Variants in ZNF280C observed in about 807,000 individuals in gnomAD.
ZNF280C encodes zinc finger protein 280C.
In ZNF280C, 14 loss-of-function variants were observed where a neutral mutation model predicts 53.6. That is an observed-to-expected ratio of 0.26 (90% CI 0.17 to 0.41). ZNF280C has a LOEUF of 0.41. Among genes scored for constraint, ZNF280C ranks in the 10% least tolerant of loss-of-function variants. The probability of loss-of-function intolerance (pLI) is 1.00; values close to 1 mark genes in which losing one functional copy is unlikely to be tolerated. For synonymous variants in ZNF280C, 203 were observed against 181.1 expected, an observed-to-expected ratio of 1.12 and a Z score of -0.97; for missense variants, 416 against 547.1, an observed-to-expected ratio of 0.76 and a Z score of 2.39.
Position 130,204,086 on chromosome X carries a change from C to A in ZNF280C, c.*891G>T, listed in dbSNP as rs759926941. 1.9e-4 allele frequency: 21 copies of A among 110,166 alleles called. No individual in the cohort carries two copies. Among genetic ancestry groups the A allele is most frequent in the African/African-American group, 6.9e-4 (21 of 30,286 alleles). 9.1% of individuals were successfully genotyped at this position (110,166 alleles called of 1,213,427 possible). On this transcript the variant is annotated 3_prime_UTR_variant, in exon 19 of 19. Coordinates refer to ENST00000370978, the MANE Select transcript of ZNF280C (RefSeq NM_017666.5). Reference sequence around the variant, plus strand: ...TGGGAACTGTAATTGTAGAAATTTTCTTTATCCAAGAACAAGAAAGTAACC... The same window carrying A: ...TGGGAACTGTAATTGTAGAAATTTTATTTATCCAAGAACAAGAAAGTAACC...
chrX:130,213,042 T>G (rs1400940202), intron 15 of ZNF280C, among the ~76,000 whole-genome samples: 1 of 111,809 alleles, frequency 8.9e-6, no homozygotes, highest in Non-Finnish European at 1.9e-5. Context: ...ATCTGACAGA[T>G]GTTGTAGATA....
chrX:130,250,897 C>G (rs1461890416), intron 2 of ZNF280C, among the ~76,000 whole-genome samples: 5 of 110,150 alleles, frequency 4.5e-5, no homozygotes, highest in African/African-American at 1.7e-4. Flanking sequence ...GAGTTCGAGA[C>G]CGGCCTGGAT....
At chrX:130,210,105 A>AC (rs1354044727) in intron 15 of ZNF280C, among the ~76,000 whole-genome samples, 1 of 111,814 alleles carries the variant, frequency 8.9e-6, no homozygotes, top group East Asian at 2.8e-4. Context: ...ATCTGCCGGC[A>AC]CCTTGATCGT....
chrX:130,217,135 T>C (rs138867019), intron 13 of ZNF280C, among the ~76,000 whole-genome samples: 1,633 of 112,132 alleles, frequency 0.015, 16 homozygotes, highest in Non-Finnish European at 0.02. Context: ...AAACATACGT[T>C]CACACAAAAA....
intron 1 of ZNF280C, among the ~76,000 whole-genome samples, chrX:130,267,154 T>C (rs1207072796): frequency 9.0e-6 from 1 of 111,084 alleles, no homozygotes; most frequent in African/African-American, 3.3e-5. Context: ...AATCACTACT[T>C]AAGACAAACT....
chrX:130,266,877 T>G (rs1311960600), intron 1 of ZNF280C, among the ~76,000 whole-genome samples: 1 of 111,080 alleles, frequency 9.0e-6, no homozygotes, highest in African/African-American at 3.3e-5. Context: ...CCGAGGTGGG[T>G]GGATCACGAG....
chrX:130,256,915 A>G (rs1472210605), intron 2 of ZNF280C, among the ~76,000 whole-genome samples: 1 of 107,391 alleles, frequency 9.3e-6, no homozygotes, highest in South Asian at 4.2e-4. Context: ...AATAAAAGAA[A>G]GAGGGCCAGG....
At chrX:130,263,199 TACACTC>T (rs2032649522) in intron 1 of ZNF280C, among the ~76,000 whole-genome samples, 2 of 112,298 alleles carry the variant, frequency 1.8e-5, no homozygotes, top group African/African-American at 6.5e-5. Flanking sequence ...ACCTAGCAAT[TACACTC>T]CTAGAGACAG....
At chrX:130,256,996 C>T (rs2032579976) in intron 2 of ZNF280C, among the ~76,000 whole-genome samples, 2 of 108,992 alleles carry the variant, frequency 1.8e-5, no homozygotes, top group Non-Finnish European at 1.9e-5. Flanking sequence ...GTCAGGAGAT[C>T]GAGACCATCC....
At chrX:130,239,410 C>CA (rs1569437063) in intron 6 of ZNF280C, among the ~76,000 whole-genome samples, 172 bp downstream of exon 6, 3 of 111,515 alleles carry the variant, frequency 2.7e-5, no homozygotes, top group African/African-American at 9.7e-5. Context: ...TCACTAAATA[C>CA]AATTTTCTAT....
chrX:130,236,216 T>G lies in ZNF280C; in HGVS notation c.769A>C (p.Lys257Gln), dbSNP rs1380509656. The change falls in exon 8 of 19, where the codon AAG (lysine) becomes CAG (glutamine). Residue 257 changes from lysine (K) to glutamine (Q), a missense_variant and splice_region_variant. By Grantham distance (53) the Lys-to-Gln change is moderately conservative (BLOSUM62 1). Around this residue, in one of 3 missense-constraint regions of ZNF280C, gnomAD observed 193 missense variants for 201.4 expected, o/e 0.96. Transcript: ENST00000370978. Reference sequence around the variant, plus strand: ...TTGAACTTTGAAAAAAGTTTTACCTTCATGTGGTATTTCAAAGGATCCAAA... The same window carrying G: ...TTGAACTTTGAAAAAAGTTTTACCTGCATGTGGTATTTCAAAGGATCCAAA... ...NLLDPLKYHM[K>Q]HCCPDMITKF... The G allele has an allele frequency of 9.3e-6, 11 of 1,182,053 alleles. No individual in the cohort carries two copies. The South Asian group carries it at 2.1e-4, about 23-fold the overall frequency.
intron 5 of ZNF280C, among the ~76,000 whole-genome samples, chrX:130,241,880 T>G (rs2032393967): frequency 9.0e-6 from 1 of 111,004 alleles, no homozygotes; most frequent in Non-Finnish European, 1.9e-5. Flanking sequence ...TGTGTGTCCT[T>G]GAGTGAATCA....
In ZNF280C at chrX:130,231,637, G is replaced by A. The variant is rs192512844; in HGVS notation, c.772-910C>T. 7.2e-5 allele frequency among the ~76,000 whole-genome samples: 8 copies of A among 110,688 alleles called. No homozygotes were observed. In the East Asian group the frequency reaches 2.3e-3, roughly 31 times the overall value. ...ATTGGGTACTATGTTCACTATTTGG[G>A]TGACAGGATCAGTAGAAGTCCAAAC... On this transcript the variant is annotated intron_variant, in intron 8 of 18. Transcript: ENST00000370978.
At chrX:130,242,890 C>G (rs2032408990) in intron 5 of ZNF280C, among the ~76,000 whole-genome samples, 3 of 111,190 alleles carry the variant, frequency 2.7e-5, no homozygotes, top group African/African-American at 3.3e-5. Flanking sequence ...GTTGCTCAGG[C>G]TGGTCTCGAA....
rs1216522497 is a variant in ZNF280C, at chrX:130,203,244, C to T, written c.*1733G>A. 9.0e-6 allele frequency: 1 copy of T among 111,244 alleles called. No individual in the cohort carries two copies. Among genetic ancestry groups the T allele is most frequent in the Non-Finnish European group, 1.9e-5 (1 of 53,010 alleles). 9.2% of individuals were successfully genotyped at this position (111,244 alleles called of 1,213,427 possible). A position where few individuals can be genotyped will look rare whatever the true frequency, so the allele number is the denominator to read the frequency against. On this transcript the variant is annotated 3_prime_UTR_variant, in exon 19 of 19. Coordinates refer to ENST00000370978, the MANE Select transcript of ZNF280C (RefSeq NM_017666.5). Reference sequence around the variant, plus strand: ...AGTTCAAAAGTAGACATAAAATGGACATCAGCAAATTTCATGAATCTGGGA... The same window carrying T: ...AGTTCAAAAGTAGACATAAAATGGATATCAGCAAATTTCATGAATCTGGGA...
intron 1 of ZNF280C, among the ~76,000 whole-genome samples, chrX:130,262,526 C>T (rs1379571963): frequency 8.9e-6 from 1 of 111,869 alleles, no homozygotes; most frequent in Non-Finnish European, 1.9e-5. Context: ...ATTTTGGTGG[C>T]AAGGGAAGGA....
intron 2 of ZNF280C, among the ~76,000 whole-genome samples, chrX:130,251,305 A>AAAAAAAAAAC (rs2032506796): frequency 9.6e-6 from 1 of 103,792 alleles, no homozygotes; most frequent in African/African-American, 3.5e-5. Flanking sequence ...AAAAAAAAAA[A>AAAAAAAAAAC]AAGACCAGCA....
At chrX:130,249,271 G>A (rs1204552839) in intron 2 of ZNF280C, among the ~76,000 whole-genome samples, 1 of 112,052 alleles carries the variant, frequency 8.9e-6, no homozygotes, top group African/African-American at 3.2e-5. Context: ...CCACTTCTGC[G>A]AAAGCCCACG....
chrX:130,252,414 C>CT (rs1022666351), intron 2 of ZNF280C, among the ~76,000 whole-genome samples: 21 of 111,457 alleles, frequency 1.9e-4, no homozygotes, highest in African/African-American at 6.5e-4. Context: ...TTCAACACCC[C>CT]TTCGTGTTAA....
Sources: allele counts gnomAD v4.1 joint callset (sites outside exome capture counted in the v4.1 genomes callset), GRCh38; gene constraint gnomAD v4.1.1; regional missense constraint gnomAD v4.1.1; transcripts MANE v1.5; gene names NCBI Gene and HGNC (gene_info 2026-07-23, HGNC 2026-07-21).